The following UPRT variants were observed in gnomAD, a reference collection of about 807,000 sequenced individuals.
The protein encoded by UPRT is uracil phosphoribosyltransferase homolog.
In UPRT, 5 loss-of-function variants were observed where a neutral mutation model predicts 22.6. That is an observed-to-expected ratio of 0.22 (90% CI 0.12 to 0.47). The LOEUF (loss-of-function observed/expected upper bound fraction) is 0.47, where lower values mean the gene tolerates loss of function less well. Ranked by LOEUF, UPRT falls within the 20% of genes least tolerant of loss-of-function variation. The pLI, the probability that UPRT is intolerant of heterozygous loss-of-function variation, is 0.99. For missense variants in UPRT, 181 were observed against 239.9 expected, an observed-to-expected ratio of 0.75 and a Z score of 1.62; for synonymous variants, 77 against 87.7, an observed-to-expected ratio of 0.88 and a Z score of 0.68.
intron 1 of UPRT, among the ~76,000 whole-genome samples, chrX:75,276,616 C>G (rs1473719599): frequency 1.8e-5 from 2 of 111,414 alleles, no homozygotes; most frequent in Non-Finnish European, 1.9e-5. Context: ...CTTGGGTCTT[C>G]GACTCCCTCG....
At chrX:75,272,349 T>C (rs758506967), upstream of UPRT, among the ~76,000 whole-genome samples, 90 of 84,659 alleles carry the variant, frequency 1.1e-3, 3 homozygotes, top group African/African-American at 3.9e-3. Flanking sequence ...TATATACACA[T>C]ATATATATGT....
At chrX:75,200,804 A>T (rs1397429131) in intron 4 of UPRT, among the ~76,000 whole-genome samples, 1 of 110,883 alleles carries the variant, frequency 9.0e-6, no homozygotes, top group African/African-American at 3.3e-5. Flanking sequence ...AATTAGCCAG[A>T]TGTGGTGGCT....
At chrX:75,186,496 C>A (rs1408474274) in intron 4 of UPRT, among the ~76,000 whole-genome samples, 4 of 111,710 alleles carry the variant, frequency 3.6e-5, no homozygotes, top group Non-Finnish European at 7.5e-5. Flanking sequence ...AATGTATATT[C>A]TGTTGAGTTG....
intron 4 of UPRT, among the ~76,000 whole-genome samples, chrX:75,264,941 G>A (rs1310414656): frequency 9.0e-6 from 1 of 111,669 alleles, no homozygotes; most frequent in African/African-American, 3.3e-5. Context: ...CACTTATGAA[G>A]CTTAGTTTGG....
chrX:75,246,080 A>G (rs1380599131), intron 4 of UPRT, among the ~76,000 whole-genome samples: 1 of 111,602 alleles, frequency 9.0e-6, no homozygotes, highest in Non-Finnish European at 1.9e-5. Context: ...TTTATATTTT[A>G]AATTAATTGT....
intron 4 of UPRT, among the ~76,000 whole-genome samples, chrX:75,238,812 A>G (rs2082478630): frequency 1.8e-5 from 2 of 111,835 alleles, no homozygotes; most frequent in Admixed American, 1.9e-4. Flanking sequence ...TTCAATAGGA[A>G]CCCTTAAAAG....
intron 4 of UPRT, among the ~76,000 whole-genome samples, chrX:75,214,232 C>G (rs1405202740): frequency 8.0e-5 from 9 of 112,306 alleles, no homozygotes; most frequent in Admixed American, 1.9e-4. Flanking sequence ...AAATAACACA[C>G]GAGCCAAAGA....
intron 4 of UPRT, among the ~76,000 whole-genome samples, chrX:75,236,110 C>G (rs1374314130): frequency 9.0e-6 from 1 of 111,256 alleles, no homozygotes; most frequent in East Asian, 2.8e-4. Flanking sequence ...TCTCGGGATA[C>G]AAAATCAATG....
At chrX:75,179,509 G>T (rs1006929562) in intron 4 of UPRT, among the ~76,000 whole-genome samples, 1 of 113,471 alleles carries the variant, frequency 8.8e-6, no homozygotes, top group Non-Finnish European at 1.9e-5. Context: ...CGCGCCATGC[G>T]CTCGCACTCC....
chrX:75,165,332 A>G (rs2147601036), intron 3 of UPRT, among the ~76,000 whole-genome samples: 1 of 112,142 alleles, frequency 8.9e-6, no homozygotes, highest in East Asian at 2.8e-4. Context: ...ATAAATTGAA[A>G]TATCTTTTCC....
rs771159775 is a variant in UPRT at position 75,183,606 on chromosome X, C to T, written c.-447+15727C>T. On this transcript the variant is annotated intron_variant, in intron 4 of 13. Coordinates refer to the UPRT transcript ENST00000652605. ...CCTTGAGGAATCGCCACACCGACTT[C>T]CAAAATGATTGAACTACTTTACAGT... Among the ~76,000 whole-genome samples, 3 of 111,965 alleles carry T rather than the reference C, an allele frequency of 2.7e-5. No homozygotes were observed. In the South Asian group the frequency reaches 1.1e-3, roughly 42 times the overall value.
chrX:75,276,030 G>A (rs1183101610), intron 1 of UPRT, among the ~76,000 whole-genome samples: 5 of 111,671 alleles, frequency 4.5e-5, no homozygotes, highest in African/African-American at 1.3e-4. Flanking sequence ...TTGGGATGAA[G>A]GCCCTTCTTC....
At chrX:75,250,063 G>A (rs1256985550) in intron 4 of UPRT, among the ~76,000 whole-genome samples, 1 of 112,018 alleles carries the variant, frequency 8.9e-6, no homozygotes, top group Non-Finnish European at 1.9e-5. Context: ...TCAAAGCAGT[G>A]TGTAGAGGGA....
At position 75,185,811 on chromosome X, in the gene UPRT, C is replaced by T. The variant is rs1486864222; in HGVS notation, c.-447+17932C>T. On this transcript the variant is annotated intron_variant, in intron 4 of 13. Coordinates refer to the UPRT transcript ENST00000652605. ...TAGATTTTCTAGTTTATTTGCGTAG[C>T]GGTGTTTGTAATATTCTCTGATGGT... 6.3e-5 allele frequency among the ~76,000 whole-genome samples: 7 copies of T among 111,187 alleles called. No homozygotes were observed. The East Asian group carries it at 8.5e-4, about 13-fold the overall frequency.
Position 75,256,202 on chromosome X carries a change from C to A in UPRT, c.-446-34822C>A, listed in dbSNP as rs138522400. 4.7e-4 allele frequency among the ~76,000 whole-genome samples: 53 copies of A among 111,651 alleles called. No individual in the cohort carries two copies. The East Asian group carries it at 7.3e-3, about 15-fold the overall frequency. On this transcript the variant is annotated intron_variant, in intron 4 of 13. Coordinates refer to the UPRT transcript ENST00000652605. ...AGTGGAATAAAACTGGATATCAACTCCAAAAGTAACCTTCAAAACTATGCA... is the reference window on the plus strand; with the variant it reads ...AGTGGAATAAAACTGGATATCAACTACAAAAGTAACCTTCAAAACTATGCA...
At chrX:75,260,884 A>G (rs3115931) in intron 4 of UPRT, among the ~76,000 whole-genome samples, 1 of 112,242 alleles carries the variant, frequency 8.9e-6, no homozygotes, top group East Asian at 2.8e-4. Context: ...GTAAAAGAAC[A>G]GAAATCACAA....
intron 1 of UPRT, among the ~76,000 whole-genome samples, chrX:75,157,411 G>A (rs749325484): frequency 3.6e-5 from 4 of 111,965 alleles, no homozygotes; most frequent in Non-Finnish European, 5.6e-5. Flanking sequence ...AGTTGAAGAG[G>A]TTGACTGGAA....
intron 4 of UPRT, among the ~76,000 whole-genome samples, chrX:75,176,847 C>T (rs770672218): frequency 9.0e-6 from 1 of 111,222 alleles, no homozygotes; most frequent in East Asian, 2.8e-4. Flanking sequence ...CAGAAAAGAT[C>T]AAACTGCAGG....
At chrX:75,291,326 A>G (rs1183516913) in intron 1 of UPRT, 4 of 289,884 alleles carry the variant, frequency 1.4e-5, no homozygotes, top group Non-Finnish European at 2.6e-5. Context: ...TTACATTGTG[A>G]TAATTTTACA....
Sources: allele counts gnomAD v4.1 joint callset (sites outside exome capture counted in the v4.1 genomes callset), GRCh38; gene constraint gnomAD v4.1.1; transcripts MANE v1.5; gene names NCBI Gene and HGNC (gene_info 2026-07-23, HGNC 2026-07-21).